ATXN10: variants seen among roughly 807,000 people sequenced by gnomAD.
ATXN10 encodes ataxin-10.
Under a neutral mutation model 52.9 loss-of-function variants are expected in ATXN10, and 28 were observed. The ratio of observed to expected loss-of-function variants is 0.53; its 90% CI spans 0.39 to 0.73. ATXN10 has a LOEUF of 0.73. ATXN10 is among the 30% of genes least tolerant of loss of function. The pLI is 0.00. For synonymous variants in ATXN10, 226 were observed against 221.5 expected, an observed-to-expected ratio of 1.02 and a Z score of -0.18; for missense variants, 565 against 577.0, an observed-to-expected ratio of 0.98 and a Z score of 0.21.
intron 9 of ATXN10, among the ~76,000 whole-genome samples, chr22:45,743,874 C>T (rs773818120): frequency 6.6e-6 from 1 of 152,160 alleles, no homozygotes; most frequent in Non-Finnish European, 1.5e-5. Context: ...GATTTGTTTG[C>T]CTATTGAGTT....
chr22:45,767,079 C>A (rs991237619), intron 9 of ATXN10, among the ~76,000 whole-genome samples: 1 of 152,196 alleles, frequency 6.6e-6, no homozygotes, highest in South Asian at 2.1e-4. Context: ...TGGTAAAATT[C>A]ATATGCATTT....
chr22:45,761,830 A>T (rs898188265), intron 9 of ATXN10, among the ~76,000 whole-genome samples: 2 of 152,238 alleles, frequency 1.3e-5, no homozygotes, highest in East Asian at 1.9e-4. Context: ...TAGATTTTTT[A>T]AAATGTTGGC....
At chr22:45,767,047 G>T (rs925739676) in intron 9 of ATXN10, among the ~76,000 whole-genome samples, 2 of 152,218 alleles carry the variant, frequency 1.3e-5, no homozygotes, top group Non-Finnish European at 2.9e-5. Flanking sequence ...AGCCGTCTTC[G>T]TAGATAGGAA....
At position 45,754,227 on chromosome 22, in the gene ATXN10, T is replaced by A. The variant is rs1926096313; in HGVS notation, c.1173+13689T>A. On this transcript the variant is annotated intron_variant, in intron 9 of 11. Coordinates refer to ENST00000252934, the MANE Select transcript of ATXN10 (RefSeq NM_013236.4). The surrounding 1 kb of genome is among the most constrained non-coding windows in gnomAD (Gnocchi z 5.4). Reference sequence around the variant, plus strand: ...TGTACCTTCGTGGTGCATGGGAAATTTTGATTCAGGTGAAAAAACAGTTTA... The same window carrying A: ...TGTACCTTCGTGGTGCATGGGAAATATTGATTCAGGTGAAAAAACAGTTTA... Among the ~76,000 whole-genome samples, 1 of 152,236 alleles carries A rather than the reference T, an allele frequency of 6.6e-6. No homozygotes were observed. The highest frequency in any genetic ancestry group is 2.4e-5 in the African/African-American group (1 of 41,474).
Position 45,795,244 on chromosome 22 carries a change from G to A in ATXN10, c.1174-11715G>A, listed in dbSNP as rs1927667610. On this transcript the variant is annotated intron_variant, in intron 9 of 11. Coordinates refer to ENST00000252934, the MANE Select transcript of ATXN10 (RefSeq NM_013236.4). This position sits in a 1 kb window ranked among gnomAD's most constrained non-coding sequence, Gnocchi z 4.6. Reference sequence around the variant, plus strand: ...AAAGAGTCTGGAAAATAAGAACAAAGAATAGTGAAGACAAATAGAAAACAG... The same window carrying A: ...AAAGAGTCTGGAAAATAAGAACAAAAAATAGTGAAGACAAATAGAAAACAG... Among the ~76,000 whole-genome samples, 1 of 152,062 alleles carries A rather than the reference G, an allele frequency of 6.6e-6. No individual in the cohort carries two copies. Among genetic ancestry groups the A allele is most frequent in the Admixed American group, 6.5e-5 (1 of 15,270 alleles).
chr22:45,708,168 G>C lies in ATXN10; in HGVS notation c.647+5321G>C, dbSNP rs1275084759. On this transcript the variant is annotated intron_variant, in intron 5 of 11. Transcript: ENST00000252934. This position sits in a 1 kb window ranked among gnomAD's most constrained non-coding sequence, Gnocchi z 5.3. ...GGATAATGTCTTTCTAAAAATGTCT[G>C]TTCTTTTGTTTGTAGGTGTGAAAGA... 6.6e-6 allele frequency among the ~76,000 whole-genome samples: 1 copy of C among 152,148 alleles called. No homozygotes were observed. The highest frequency in any genetic ancestry group is 1.9e-4 in the East Asian group (1 of 5,198).
At position 45,700,944 on chromosome 22, in the gene ATXN10, T is replaced by C. The variant is rs1017900126; in HGVS notation, c.488+566T>C. On this transcript the variant is annotated intron_variant, in intron 4 of 11. Coordinates refer to ENST00000252934, the MANE Select transcript of ATXN10 (RefSeq NM_013236.4). ...TGGGTAACCATTCCATTTGTCTCGA[T>C]TGGATCCTGGTACTTTTTCTGGTGA... 7.9e-5 allele frequency among the ~76,000 whole-genome samples: 12 copies of C among 152,194 alleles called. No homozygotes were observed. The South Asian group carries it at 1.0e-3, about 13-fold the overall frequency.
chr22:45,834,055 A>G (rs1389096946), intron 10 of ATXN10, among the ~76,000 whole-genome samples: 1 of 152,234 alleles, frequency 6.6e-6, no homozygotes, highest in Admixed American at 6.5e-5. Context: ...CACTTAGAAC[A>G]GCCCCTGGCA....
chr22:45,773,335 TATGTCTC>T (rs1182533563), intron 9 of ATXN10, among the ~76,000 whole-genome samples: 1 of 152,196 alleles, frequency 6.6e-6, no homozygotes, highest in East Asian at 1.9e-4. Context: ...ATTGCCATTT[TATGTCTC>T]ATTGAGTCAC....
chr22:45,740,580 A>G (rs1925473275), intron 9 of ATXN10, 42 bp downstream of exon 9: 4 of 1,584,632 alleles, frequency 2.5e-6, no homozygotes. Flanking sequence ...GTATGGCTTC[A>G]TTTAGAATAT....
chr22:45,797,620 C>G (rs1386647008), intron 9 of ATXN10, among the ~76,000 whole-genome samples: 1 of 152,036 alleles, frequency 6.6e-6, no homozygotes, highest in African/African-American at 2.4e-5. Context: ...ATCTTAGTTT[C>G]CAACTTAAGA....
chr22:45,810,430 T>G (rs1240638248), intron 10 of ATXN10, among the ~76,000 whole-genome samples: 1 of 152,260 alleles, frequency 6.6e-6, no homozygotes, highest in Non-Finnish European at 1.5e-5. Flanking sequence ...AGAATCAGTA[T>G]AAATTCTACA....
intron 9 of ATXN10, among the ~76,000 whole-genome samples, chr22:45,764,180 TC>T (rs1317985632): frequency 6.6e-6 from 1 of 151,822 alleles, no homozygotes; most frequent in African/African-American, 2.4e-5. Context: ...ATCTTCTCCC[TC>T]CCCCATCGCA....
rs1926281627 is a variant in ATXN10, at chr22:45,759,059, T to G, written c.1173+18521T>G. 6.6e-6 allele frequency among the ~76,000 whole-genome samples: 1 copy of G among 152,232 alleles called. No individual in the cohort carries two copies. Among genetic ancestry groups the G allele is most frequent in the Non-Finnish European group, 1.5e-5 (1 of 68,042 alleles). ...ATTTAAAGGCAGTATATCTCATATC[T>G]TTAAAGATAACTTTAGAAACTTACT... is the stretch of plus-strand genomic sequence containing the variant. On this transcript the variant is annotated intron_variant, in intron 9 of 11. Transcript: ENST00000252934. The surrounding 1 kb of genome is among the most constrained non-coding windows in gnomAD (Gnocchi z 5.4).
rs1012926945 is a variant in ATXN10, at chr22:45,681,278, C to T, written c.117-8434C>T. Among the ~76,000 whole-genome samples the T allele has an allele frequency of 5.3e-5, 8 of 152,172 alleles. No homozygotes were observed. Among genetic ancestry groups the T allele is most frequent in the Non-Finnish European group, 1.0e-4 (7 of 68,028 alleles). On this transcript the variant is annotated intron_variant, in intron 1 of 11. Transcript: ENST00000252934. This position sits in a 1 kb window ranked among gnomAD's most constrained non-coding sequence, Gnocchi z 4.2. ...TCTCTCCCTTAGTGAGCTTGACCTCCATCCCATCTCAGACACACATTGCCA... is the reference window on the plus strand; with the variant it reads ...TCTCTCCCTTAGTGAGCTTGACCTCTATCCCATCTCAGACACACATTGCCA...
At chr22:45,735,812 C>CTTTTTTTTTTTTTTTTTTTTTTTCCTTT (rs746222703) in intron 7 of ATXN10, among the ~76,000 whole-genome samples, 2 of 65,818 alleles carry the variant, frequency 3.0e-5, no homozygotes, top group Non-Finnish European at 5.9e-5. Flanking sequence ...ATTTGCTTGT[C>CTTTTTTTTTTTTTTTTTTTTTTTCCTTT]TTTTTTTTTT....
intron 7 of ATXN10, chr22:45,734,337 A>G (rs1484849745): frequency 1.4e-5 from 3 of 211,348 alleles, no homozygotes; most frequent in East Asian, 1.3e-4. Flanking sequence ...GTTTTTGCAT[A>G]TTAGGTTACT....
rs1198683421 is a variant in ATXN10, at chr22:45,750,968, T to C, written c.1173+10430T>C. Among the ~76,000 whole-genome samples the C allele has an allele frequency of 1.3e-5, 2 of 152,108 alleles. No homozygotes were observed. The highest frequency in any genetic ancestry group is 2.9e-5 in the Non-Finnish European group (2 of 68,018). The stretch of plus-strand genomic sequence containing the variant: ...TTTTTTGAGACAGAGTCTTGCTTTG[T>C]TGCCCAGGCTGGAGTGCAGTGGTGT... On this transcript the variant is annotated intron_variant, in intron 9 of 11. Transcript: ENST00000252934. This position sits in a 1 kb window ranked among gnomAD's most constrained non-coding sequence, Gnocchi z 4.2.
intron 10 of ATXN10, among the ~76,000 whole-genome samples, chr22:45,827,161 ACACACACACACG>A (rs1480899884): frequency 7.2e-6 from 1 of 137,980 alleles, no homozygotes; most frequent in Non-Finnish European, 1.5e-5. Flanking sequence ...ACACACACAC[ACACACACACACG>A]GCTATAGAAT....
Sources: allele counts gnomAD v4.1 joint callset (sites outside exome capture counted in the v4.1 genomes callset), GRCh38; gene constraint gnomAD v4.1.1; non-coding constraint Gnocchi (gnomAD v3.1); transcripts MANE v1.5; gene names NCBI Gene and HGNC (gene_info 2026-07-23, HGNC 2026-07-21).